DNAH6: variants seen among roughly 807,000 people sequenced by gnomAD.
The protein encoded by DNAH6 is axonemal beta dynein heavy chain 6.
In DNAH6, 340 loss-of-function variants were observed where a neutral mutation model predicts 491.4. That is an observed-to-expected ratio of 0.69 (90% CI 0.63 to 0.76). The LOEUF (loss-of-function observed/expected upper bound fraction) is 0.76, where lower values mean the gene tolerates loss of function less well. DNAH6 is among the 30% of genes least tolerant of loss of function. The probability of loss-of-function intolerance (pLI) is 0.00; values close to 1 mark genes in which losing one functional copy is unlikely to be tolerated. For missense variants in DNAH6, 4,443 were observed against 4,972.2 expected (o/e 0.89, Z 3.20); for synonymous variants, 1,603 against 1,686.1 (o/e 0.95, Z 1.21).
chr2:84,585,979 A>G (rs1401328961), intron 15 of DNAH6, among the ~76,000 whole-genome samples: 2 of 152,140 alleles, frequency 1.3e-5, no homozygotes, highest in Admixed American at 1.3e-4. Flanking sequence ...ACCCCCTTCC[A>G]TTCAGGAATC....
intron 21 of DNAH6, 76 bp downstream of exon 21, chr2:84,607,171 T>G: frequency 7.3e-7 from 1 of 1,361,466 alleles, no homozygotes; most frequent in Non-Finnish European, 1.0e-6. Context: ...ATTTGTTTCA[T>G]TATTTAAATA....
chr2:84,624,216 T>C (rs751845005), intron 26 of DNAH6, 49 bp from the exon 27 acceptor site: 2 of 1,478,678 alleles, frequency 1.4e-6, no homozygotes, highest in Admixed American at 2.3e-5. Flanking sequence ...AATGTATATA[T>C]GTAAGCTGAT....
At chr2:84,480,624 T>C in the DNAH6 span, among the ~76,000 whole-genome samples, 2 of 152,218 alleles carry the variant, frequency 1.3e-5, no homozygotes, top group Non-Finnish European at 2.9e-5. Flanking sequence ...CTCATTTAAC[T>C]GAAAAACTAG....
intron 15 of DNAH6, 109 bp downstream of exon 15, chr2:84,584,359 A>AC: frequency 2.6e-6 from 3 of 1,157,206 alleles, no homozygotes; most frequent in South Asian, 1.6e-5. Context: ...TACAATATAT[A>AC]ATGTGATGTT....
chr2:84,517,759 T>G lies in DNAH6; in HGVS notation c.-8-60T>G, dbSNP rs980359271. ...GTCCTTAAGTCCCTCTCCAGTAGCC[T>G]CCTTCCCCAATCCTTTTGATCTACT... On this transcript the variant is annotated intron_variant, in intron 1 of 76. Transcript: ENST00000389394. 9.9e-5 allele frequency: 132 copies of G among 1,332,174 alleles called. 1 individual carries two copies. The East Asian group carries it at 3.2e-3, about 32-fold the overall frequency. The allele number at this position is 1,332,174 out of a possible 1,614,324, so 82.5% of individuals were successfully genotyped here. A position where few individuals can be genotyped will look rare whatever the true frequency, so the allele number is the denominator to read the frequency against.
intron 14 of DNAH6, among the ~76,000 whole-genome samples, chr2:84,583,692 A>T (rs139688736): frequency 2.2e-3 from 335 of 152,208 alleles, no homozygotes; most frequent in Middle Eastern, 0.02. Context: ...AAGTCTCATG[A>T]TATCTGATGG....
chr2:84,781,465 G>T, intron 64 of DNAH6, 28 bp from the exon 65 acceptor site: 2 of 1,524,262 alleles, frequency 1.3e-6, no homozygotes, highest in Non-Finnish European at 1.8e-6. Context: ...AGCATAAGAT[G>T]ATATTGTGTT....
chr2:84,588,798 C>T, intron 15 of DNAH6, 28 bp from the exon 16 acceptor site: 2 of 1,492,930 alleles, frequency 1.3e-6, no homozygotes, highest in Non-Finnish European at 1.8e-6. Flanking sequence ...GCAGGAATGG[C>T]TAACCAAAAA....
intron 22 of DNAH6, among the ~76,000 whole-genome samples, chr2:84,612,845 C>G (rs1011102471): frequency 6.6e-6 from 1 of 151,980 alleles, no homozygotes; most frequent in Non-Finnish European, 1.5e-5. Context: ...AACATATCCA[C>G]AGGTTTGGGG....
chr2:84,544,527 A>ACTT lies in DNAH6; in HGVS notation c.930+27_930+28insCTT, dbSNP rs1479584248. On this transcript the variant is annotated intron_variant, in intron 5 of 76. Coordinates refer to ENST00000389394, the MANE Select transcript of DNAH6 (RefSeq NM_001370.2). Reference sequence around the variant, plus strand: ...TATGTATTTATCATTTATATTTTAAAATAATTACTTACAAAAAAAGAAAGT... The same window carrying ACTT: ...TATGTATTTATCATTTATATTTTAAACTTATAATTACTTACAAAAAAAGAAAGT... The ACTT allele has an allele frequency of 6.5e-6, 8 of 1,236,964 alleles. No individual in the cohort carries two copies. The Admixed American group carries it at 2.0e-4, about 31-fold the overall frequency. The allele number at this position is 1,236,964 out of a possible 1,614,324, so 76.6% of individuals were successfully genotyped here. A position where few individuals can be genotyped will look rare whatever the true frequency, so the allele number is the denominator to read the frequency against.
At chr2:84,561,940 G>A (rs564040472) in intron 11 of DNAH6, among the ~76,000 whole-genome samples, 5 of 152,090 alleles carry the variant, frequency 3.3e-5, no homozygotes, top group African/African-American at 1.2e-4. Flanking sequence ...AATAACTTTG[G>A]GGGAAAAAAG....
At chr2:84,463,358 A>G in the DNAH6 span, among the ~76,000 whole-genome samples, 4 of 152,214 alleles carry the variant, frequency 2.6e-5, no homozygotes, top group Admixed American at 6.5e-5. Context: ...ATAAGTTTGA[A>G]GTTTTTAATT....
chr2:84,676,998 C>A lies in DNAH6; in HGVS notation c.6613-7C>A. On this transcript the variant is annotated splice_region_variant and splice_polypyrimidine_tract_variant and intron_variant, in intron 40 of 76. Transcript: ENST00000389394. ...TGAGTGATCCAAGTGGATTTCTCTGCACACAGGATGTAACAATCATATCGG... is the reference window on the plus strand; with the variant it reads ...TGAGTGATCCAAGTGGATTTCTCTGAACACAGGATGTAACAATCATATCGG... 6.4e-7 allele frequency: 1 copy of A among 1,551,780 alleles called. No individual in the cohort carries two copies. The highest frequency in any genetic ancestry group is 2.0e-5 in the Admixed American group (1 of 51,008).
intron 59 of DNAH6, among the ~76,000 whole-genome samples, chr2:84,721,080 G>A (rs560378596): frequency 6.6e-6 from 1 of 152,284 alleles, no homozygotes; most frequent in South Asian, 2.1e-4. Flanking sequence ...TCTACAAGTA[G>A]TTGCCAAACT....
the DNAH6 span, among the ~76,000 whole-genome samples, chr2:84,463,680 A>G: frequency 6.6e-6 from 1 of 152,188 alleles, no homozygotes; most frequent in Non-Finnish European, 1.5e-5. Context: ...GAGACTCAGC[A>G]GTCTGGGTGG....
intron 23 of DNAH6, among the ~76,000 whole-genome samples, chr2:84,617,452 A>G (rs1686974184): frequency 1.3e-5 from 2 of 152,082 alleles, no homozygotes; most frequent in African/African-American, 4.8e-5. Flanking sequence ...ATTATTGACT[A>G]TAGTCACCCT....
chr2:84,816,160 T>C, intron 76 of DNAH6, 77 bp downstream of exon 76: 2 of 1,210,788 alleles, frequency 1.7e-6, no homozygotes, highest in Non-Finnish European at 2.3e-6. Flanking sequence ...TAAGCTGTGA[T>C]TGGCTCAAGA....
chr2:84,495,185 G>A, the DNAH6 span, among the ~76,000 whole-genome samples: 1 of 152,172 alleles, frequency 6.6e-6, no homozygotes, highest in African/African-American at 2.4e-5. Context: ...TATTTATTGA[G>A]ACAGAGTCTT....
chr2:84,569,867 T>C (rs1681598450), intron 11 of DNAH6, among the ~76,000 whole-genome samples: 1 of 152,168 alleles, frequency 6.6e-6, no homozygotes, highest in Non-Finnish European at 1.5e-5. Context: ...CCCTATGTTG[T>C]TGCATTGGAA....
Sources: gnomAD v4.1 joint callset for allele counts (sites outside exome capture counted in the v4.1 genomes callset) on GRCh38, gnomAD v4.1.1 for gene constraint, MANE v1.5 for transcripts, NCBI Gene and HGNC (gene_info 2026-07-23, HGNC 2026-07-21) for gene names.